Variants in STXBP5L observed in about 807,000 individuals in gnomAD.
STXBP5L encodes the protein syntaxin binding protein 5L.
A neutral mutation model predicts 144.5 loss-of-function variants in STXBP5L; 65 were observed. The ratio of observed to expected loss-of-function variants is 0.45; its 90% CI spans 0.37 to 0.55. The LOEUF (loss-of-function observed/expected upper bound fraction) is 0.55. Ranked by LOEUF, STXBP5L falls within the 20% of genes least tolerant of loss-of-function variation. The pLI is 0.00. For synonymous variants in STXBP5L, 505 were observed against 469.6 expected, an observed-to-expected ratio of 1.08 and a Z score of -0.97; for missense variants, 1,298 against 1,405.5, an observed-to-expected ratio of 0.92 and a Z score of 1.22.
chr3:120,977,430 A>G (rs1260162609), intron 3 of STXBP5L, among the ~76,000 whole-genome samples: 2 of 152,058 alleles, frequency 1.3e-5, no homozygotes, highest in Admixed American at 6.6e-5. Context: ...TTTTGAGCCT[A>G]TATCTGTCTC....
At chr3:121,022,934 G>A (rs981082836) in intron 3 of STXBP5L, among the ~76,000 whole-genome samples, 2 of 151,920 alleles carry the variant, frequency 1.3e-5, no homozygotes, top group Non-Finnish European at 2.9e-5. Flanking sequence ...AGAAAGAAAG[G>A]GCATCCAAAC....
intron 19 of STXBP5L, among the ~76,000 whole-genome samples, chr3:121,296,484 G>A (rs1442558226): frequency 1.3e-5 from 2 of 152,106 alleles, no homozygotes; most frequent in Non-Finnish European, 2.9e-5. Context: ...TAGGAACAAT[G>A]ATGAAAACAA....
intron 5 of STXBP5L, among the ~76,000 whole-genome samples, chr3:121,078,317 T>A (rs1334912304): frequency 6.6e-6 from 1 of 151,646 alleles, no homozygotes; most frequent in Admixed American, 6.6e-5. Flanking sequence ...GATTGATGCA[T>A]TCACAAACCC....
chr3:121,033,174 A>G (rs1232429439), intron 3 of STXBP5L, among the ~76,000 whole-genome samples: 2 of 138,538 alleles, frequency 1.4e-5, no homozygotes, highest in Non-Finnish European at 3.1e-5. Context: ...AACCAACCCA[A>G]ATGTCCAACA....
chr3:121,020,349 A>G (rs1262632776), intron 3 of STXBP5L, among the ~76,000 whole-genome samples: 2 of 152,252 alleles, frequency 1.3e-5, no homozygotes, highest in Non-Finnish European at 2.9e-5. Context: ...TGAGGGAATA[A>G]TCAAGGAAAA....
chr3:121,362,372 G>A (rs577915583), intron 20 of STXBP5L, among the ~76,000 whole-genome samples: 2 of 152,312 alleles, frequency 1.3e-5, no homozygotes, highest in Admixed American at 6.5e-5. Context: ...TTCTCTTCAA[G>A]GGTGGCAAGG....
chr3:121,056,506 C>G (rs1173790096), intron 5 of STXBP5L, among the ~76,000 whole-genome samples: 1 of 152,164 alleles, frequency 6.6e-6, no homozygotes, highest in East Asian at 1.9e-4. Context: ...TATGAAATCT[C>G]TGGCAAACTG....
Position 120,983,998 on chromosome 3 carries a change from T to G in STXBP5L, c.287+28961T>G, listed in dbSNP as rs557599108. Among the ~76,000 whole-genome samples the G allele has an allele frequency of 8.5e-5, 13 of 152,348 alleles. No individual in the cohort carries two copies. The East Asian group carries it at 2.1e-3, about 25-fold the overall frequency. On this transcript the variant is annotated intron_variant, in intron 3 of 26. Coordinates refer to ENST00000471454, the MANE Select transcript of STXBP5L (RefSeq NM_001308330.2). The stretch of plus-strand genomic sequence containing the variant: ...CCTGGTGATCAGAGTGCAGAGTAGC[T>G]GCTGAGTTTCACACGTCAGTTGCTG...
At chr3:121,008,706 T>C (rs619802) in intron 3 of STXBP5L, among the ~76,000 whole-genome samples, 38,296 of 151,902 alleles carry the variant, frequency 0.25, 4,987 homozygotes, top group African/African-American at 0.28. Context: ...GTACTACTAG[T>C]ATATTCAATG....
At chr3:121,018,767 T>C (rs1945325808) in intron 3 of STXBP5L, among the ~76,000 whole-genome samples, 1 of 152,172 alleles carries the variant, frequency 6.6e-6, no homozygotes, top group Non-Finnish European at 1.5e-5. Flanking sequence ...GGAACTAACT[T>C]GCAGCTACCA....
At chr3:121,101,689 C>T (rs967041659) in intron 5 of STXBP5L, among the ~76,000 whole-genome samples, 3 of 151,996 alleles carry the variant, frequency 2.0e-5, no homozygotes, top group African/African-American at 7.2e-5. Context: ...AGGATGCTCA[C>T]TCTCAACATT....
intron 9 of STXBP5L, among the ~76,000 whole-genome samples, chr3:121,204,262 C>G (rs1194741100): frequency 6.6e-6 from 1 of 152,074 alleles, no homozygotes; most frequent in African/African-American, 2.4e-5. Flanking sequence ...ATTGTTCAGA[C>G]AAGTTCCTGA....
intron 5 of STXBP5L, among the ~76,000 whole-genome samples, chr3:121,102,677 C>T (rs1018279365): frequency 2.6e-5 from 4 of 152,082 alleles, no homozygotes; most frequent in Non-Finnish European, 5.9e-5. Flanking sequence ...AAAGCAATTA[C>T]AGCAAAATCA....
chr3:121,259,274 AT>A, intron 18 of STXBP5L, 106 bp downstream of exon 18: 1 of 843,300 alleles, frequency 1.2e-6, no homozygotes, highest in East Asian at 3.3e-5. Flanking sequence ...CCTTACCTGG[AT>A]TTTTATTAGA....
chr3:120,998,167 CACA>C (rs1442303738), intron 3 of STXBP5L, among the ~76,000 whole-genome samples: 2 of 152,096 alleles, frequency 1.3e-5, no homozygotes, highest in Non-Finnish European at 2.9e-5. Context: ...CCTTGAAAAC[CACA>C]ACAAGACAAA....
chr3:121,081,990 G>A (rs6794230), intron 5 of STXBP5L, among the ~76,000 whole-genome samples: 15,107 of 152,126 alleles, frequency 0.099, 1,181 homozygotes, highest in Admixed American at 0.2. Flanking sequence ...CTGTCCCTCT[G>A]CCAATACCAC....
At chr3:121,215,310 C>T (rs776867831) in intron 10 of STXBP5L, among the ~76,000 whole-genome samples, 1 of 152,152 alleles carries the variant, frequency 6.6e-6, no homozygotes, top group Admixed American at 6.5e-5. Context: ...ATGGTCTTTA[C>T]AATATGGTAT....
At chr3:121,395,242 G>A (rs41394944) in intron 22 of STXBP5L, among the ~76,000 whole-genome samples, 1 of 152,000 alleles carries the variant, frequency 6.6e-6, no homozygotes, top group East Asian at 1.9e-4. Flanking sequence ...CTTTTTTCAG[G>A]CTAAACCAAA....
chr3:121,137,253 AAT>A (rs1491073249), intron 7 of STXBP5L, among the ~76,000 whole-genome samples: 4 of 141,534 alleles, frequency 2.8e-5, no homozygotes, highest in Admixed American at 7.0e-5. Context: ...GAATAAAAAA[AAT>A]GTTGGTTTTT....
Sources: allele counts gnomAD v4.1 joint callset (sites outside exome capture counted in the v4.1 genomes callset), GRCh38; gene constraint gnomAD v4.1.1; transcripts MANE v1.5; gene names NCBI Gene and HGNC (gene_info 2026-07-23, HGNC 2026-07-21).